The following PHLPP1 variants were observed in gnomAD, a reference collection of about 807,000 sequenced individuals.
PHLPP1 encodes the protein PH domain leucine-rich repeat-containing protein phosphatase 1.
PHLPP1 carries 42 observed loss-of-function variants against 117.2 expected under a neutral mutation model. That is an observed-to-expected ratio of 0.36 (90% confidence interval 0.28 to 0.46). The LOEUF (loss-of-function observed/expected upper bound fraction) is 0.46, where lower values mean the gene tolerates loss of function less well. PHLPP1 is among the 20% of genes least tolerant of loss of function. The probability of loss-of-function intolerance (pLI) is 1.00; values close to 1 mark genes in which losing one functional copy is unlikely to be tolerated. For missense variants in PHLPP1, 2,084 were observed against 2,241.9 expected (o/e 0.93, Z 1.42); for synonymous variants, 1,042 against 970.7 (o/e 1.07, Z -1.37).
At chr18:62,773,896 G>T (rs990211361) in intron 1 of PHLPP1, among the ~76,000 whole-genome samples, 9 of 152,214 alleles carry the variant, frequency 5.9e-5, no homozygotes, top group African/African-American at 1.4e-4. Flanking sequence ...GCTTATAGTT[G>T]GCCATCTTCT....
intron 2 of PHLPP1, among the ~76,000 whole-genome samples, chr18:62,832,913 C>T (rs1018740688): frequency 2.6e-5 from 4 of 151,910 alleles, no homozygotes; most frequent in Non-Finnish European, 5.9e-5. Flanking sequence ...TTTCATACCA[C>T]GTGAGCATGG....
At chr18:62,776,467 CA>C (rs1373188348) in intron 1 of PHLPP1, among the ~76,000 whole-genome samples, 1 of 152,188 alleles carries the variant, frequency 6.6e-6, no homozygotes, top group Non-Finnish European at 1.5e-5. Context: ...TTCACAGCAA[CA>C]CCTACTGTAT....
In PHLPP1 at chr18:62,755,688, G is replaced by A. The variant is rs147699237; in HGVS notation, c.1576+38429G>A. Among the ~76,000 whole-genome samples the A allele has an allele frequency of 6.2e-4, 95 of 152,278 alleles. 2 individuals are homozygous for A. In the East Asian group the frequency reaches 0.018, roughly 28 times the overall value. ...TGGACTTCCCAGCCTCCAGAACTGT[G>A]AGAAATACATTTCTGTTGTTTATAA... On this transcript the variant is annotated intron_variant, in intron 1 of 16. Coordinates refer to ENST00000262719, the MANE Select transcript of PHLPP1 (RefSeq NM_194449.4).
At chr18:62,936,346 A>G (rs575966149) in intron 10 of PHLPP1, among the ~76,000 whole-genome samples, 3 of 152,354 alleles carry the variant, frequency 2.0e-5, no homozygotes, top group South Asian at 2.1e-4. Context: ...CTTGTAGGAT[A>G]ATTCCATTTA....
intron 9 of PHLPP1, among the ~76,000 whole-genome samples, chr18:62,918,877 A>G (rs938452691): frequency 6.6e-6 from 1 of 152,082 alleles, no homozygotes; most frequent in Non-Finnish European, 1.5e-5. Context: ...TAAATATGTG[A>G]GGTAATGCAT....
intron 4 of PHLPP1, among the ~76,000 whole-genome samples, chr18:62,892,831 G>A (rs565385607): frequency 2.3e-4 from 33 of 146,006 alleles, no homozygotes; most frequent in Admixed American, 1.2e-3. Context: ...AGCCGAGATC[G>A]CACCACTGCA....
chr18:62,956,928 A>C (rs1910627144), intron 12 of PHLPP1, among the ~76,000 whole-genome samples: 3 of 152,172 alleles, frequency 2.0e-5, no homozygotes, highest in Admixed American at 2.0e-4. Flanking sequence ...TACTAGATTT[A>C]AATTCTTTGA....
At chr18:62,809,093 G>T (rs557198450) in intron 1 of PHLPP1, among the ~76,000 whole-genome samples, 1 of 152,218 alleles carries the variant, frequency 6.6e-6, no homozygotes, top group Non-Finnish European at 1.5e-5. Flanking sequence ...CTTTCTAAAT[G>T]TGAATTTTTA....
intron 1 of PHLPP1, among the ~76,000 whole-genome samples, chr18:62,758,729 A>G (rs1308925459): frequency 6.6e-6 from 1 of 152,202 alleles, no homozygotes. Context: ...AACCCGTGCC[A>G]CCAGAGTGAA....
intron 8 of PHLPP1, among the ~76,000 whole-genome samples, chr18:62,913,227 G>C (rs1917007871): frequency 6.6e-6 from 1 of 151,726 alleles, no homozygotes; most frequent in Admixed American, 6.6e-5. Flanking sequence ...TTTAATTTTT[G>C]TATGTTGGGG....
At chr18:62,743,432 C>T (rs1239222854) in intron 1 of PHLPP1, among the ~76,000 whole-genome samples, 2 of 151,950 alleles carry the variant, frequency 1.3e-5, no homozygotes, top group South Asian at 2.1e-4. Flanking sequence ...TACTTTATCT[C>T]GAATCACCTT....
chr18:62,935,018 G>A (rs1322712250), intron 10 of PHLPP1, among the ~76,000 whole-genome samples: 1 of 152,160 alleles, frequency 6.6e-6, no homozygotes, highest in Non-Finnish European at 1.5e-5. Context: ...TATTATATTA[G>A]ATATATTAGC....
intron 1 of PHLPP1, among the ~76,000 whole-genome samples, chr18:62,768,180 A>G (rs1282915057): frequency 5.9e-5 from 9 of 152,244 alleles, no homozygotes; most frequent in Admixed American, 5.2e-4. Flanking sequence ...ACTGCAATGT[A>G]GTAGTCAAAG....
chr18:62,920,146 T>A lies in PHLPP1; in HGVS notation c.2960+32T>A, dbSNP rs1909419449. The A allele has an allele frequency of 2.5e-6, 4 of 1,584,984 alleles. No individual in the cohort carries two copies. The East Asian group carries it at 8.9e-5, about 35-fold the overall frequency. On this transcript the variant is annotated intron_variant, in intron 10 of 16. Transcript: ENST00000262719. ...CCATTTGTCTTGTTTATCATCTGAG[T>A]CTATAAATATTCCCTCATTTGTATC...
chr18:62,716,425 C>T lies in PHLPP1; in HGVS notation c.742C>T (p.Leu248=), dbSNP rs1910736324. The part of the protein sequence containing the change: ...GHKGGGVVKV[L]GQGPGAAAAR... ...CAAAGGCGGCGGCGTGGTGAAGGTG[C>T]TGGGCCAGGGGCCCGGAGCCGCCGC... Residue 248 remains leucine (L), a synonymous_variant, in exon 1 of 17, where the codon CTG becomes TTG. Transcript: ENST00000262719. The surrounding 1 kb of genome is among the most constrained non-coding windows in gnomAD (Gnocchi z 5.7). The T allele has an allele frequency of 7.0e-6, 10 of 1,429,018 alleles. No homozygotes were observed. Among genetic ancestry groups the T allele is most frequent in the Non-Finnish European group, 9.2e-6 (10 of 1,091,764 alleles). The allele number at this position is 1,429,018 out of a possible 1,614,324, so 88.5% of individuals were successfully genotyped here.
At chr18:62,879,573 G>C (rs1304150249) in intron 4 of PHLPP1, among the ~76,000 whole-genome samples, 1 of 151,948 alleles carries the variant, frequency 6.6e-6, no homozygotes, top group African/African-American at 2.4e-5. Flanking sequence ...CACCACGCTG[G>C]GCTAATTGTT....
intron 1 of PHLPP1, among the ~76,000 whole-genome samples, chr18:62,789,935 G>A (rs764185285): frequency 6.6e-5 from 10 of 151,912 alleles, no homozygotes; most frequent in South Asian, 2.1e-4. Context: ...GTCATTTATC[G>A]CAGTTGAAGT....
At chr18:62,904,787 AGGAAGTGTTTC>A (rs1183838835) in intron 7 of PHLPP1, among the ~76,000 whole-genome samples, 1 of 152,272 alleles carries the variant, frequency 6.6e-6, no homozygotes, top group East Asian at 1.9e-4. Context: ...TAAAGTGTTC[AGGAAGTGTTTC>A]AGATTTAAGT....
chr18:62,862,301 G>A (rs1397485218), intron 4 of PHLPP1, among the ~76,000 whole-genome samples: 2 of 151,950 alleles, frequency 1.3e-5, no homozygotes, highest in African/African-American at 2.4e-5. Context: ...GTCTGGTCTC[G>A]AACTCCTGAC....
Sources: allele counts gnomAD v4.1 joint callset (sites outside exome capture counted in the v4.1 genomes callset), GRCh38; gene constraint gnomAD v4.1.1; non-coding constraint Gnocchi (gnomAD v3.1); transcripts MANE v1.5; gene names NCBI Gene and HGNC (gene_info 2026-07-23, HGNC 2026-07-21).